Variants in MRTFA observed in about 807,000 individuals in gnomAD.
MRTFA encodes the protein myocardin-related transcription factor A.
A neutral mutation model predicts 83.5 loss-of-function variants in MRTFA; 20 were observed. That is an observed-to-expected ratio of 0.24 (90% CI 0.17 to 0.35). The LOEUF is 0.35. MRTFA is among the 10% of genes least tolerant of loss of function. The pLI, the probability that MRTFA is intolerant of heterozygous loss-of-function variation, is 1.00. For missense variants in MRTFA, 1,200 were observed against 1,224.7 expected, an observed-to-expected ratio of 0.98 and a Z score of 0.30; for synonymous variants, 659 against 541.2, an observed-to-expected ratio of 1.22 and a Z score of -3.02.
chr22:40,555,935 A>G (rs1158124563), intron 2 of MRTFA, among the ~76,000 whole-genome samples: 1 of 152,114 alleles, frequency 6.6e-6, no homozygotes, highest in Non-Finnish European at 1.5e-5. Context: ...CACCATGCCC[A>G]GCCCTAAGAA....
chr22:40,546,927 G>T (rs972788048), intron 3 of MRTFA, among the ~76,000 whole-genome samples: 1 of 152,090 alleles, frequency 6.6e-6, no homozygotes, highest in Admixed American at 6.5e-5. Context: ...AGGCCGAGGC[G>T]GGAGGATCAC....
rs2053030145 is a variant in MRTFA, at chr22:40,429,772, C to A, written c.440-5G>T. On this transcript the variant is annotated splice_polypyrimidine_tract_variant and splice_region_variant and intron_variant, in intron 6 of 14. Coordinates refer to ENST00000355630, the MANE Select transcript of MRTFA (RefSeq NM_020831.6). ...GGGATGGCTCAGCCGAGGTCTCTGC[C>A]CATGGGAGAGAAAGGGGTGCAGGAA... is the stretch of plus-strand genomic sequence containing the variant. The A allele has an allele frequency of 2.5e-6, 4 of 1,606,024 alleles. No individual in the cohort carries two copies. The highest frequency in any genetic ancestry group is 3.4e-6 in the Non-Finnish European group (4 of 1,176,028).
chr22:40,417,117 G>A (rs2052698462), intron 13 of MRTFA, 71 bp from the exon 14 acceptor site: 1 of 1,497,300 alleles, frequency 6.7e-7, no homozygotes, highest in African/African-American at 1.4e-5. Flanking sequence ...AACTACGAAT[G>A]AGGCCCCTCC....
intron 2 of MRTFA, among the ~76,000 whole-genome samples, chr22:40,585,933 A>AAATAAAATGG (rs2056021078): frequency 1.3e-5 from 2 of 152,240 alleles, no homozygotes; most frequent in African/African-American, 4.8e-5. Flanking sequence ...TCTTGCAATT[A>AAATAAAATGG]AATAAAATGG....
At chr22:40,481,415 A>G (rs2054087820) in intron 3 of MRTFA, among the ~76,000 whole-genome samples, 1 of 152,202 alleles carries the variant, frequency 6.6e-6, no homozygotes. Context: ...TAAGGTCAAT[A>G]TTTATAGGCA....
rs377559201 is a variant in MRTFA at position 40,580,126 on chromosome 22, C to G, written c.-22+14548G>C. Among the ~76,000 whole-genome samples the G allele has an allele frequency of 1.1e-3, 166 of 152,178 alleles. 1 individual carries two copies. Among genetic ancestry groups the G allele is most frequent in the South Asian group, 2.9e-3 (14 of 4,824 alleles). ...CTATTAGGATGAATCATTTTTAGGA[C>G]AGCAAATATAGAAACATGTAAAAAA... is the stretch of plus-strand genomic sequence containing the variant. On this transcript the variant is annotated intron_variant, in intron 2 of 14. Transcript: ENST00000355630.
At chr22:40,504,445 G>C (rs964091067) in intron 3 of MRTFA, among the ~76,000 whole-genome samples, 2 of 152,176 alleles carry the variant, frequency 1.3e-5, no homozygotes, top group Admixed American at 1.3e-4. Context: ...TTAGGCCATG[G>C]CTGGTTCCAA....
chr22:40,422,034 G>C (rs1408552085), intron 9 of MRTFA, among the ~76,000 whole-genome samples: 1 of 152,212 alleles, frequency 6.6e-6, no homozygotes, highest in Non-Finnish European at 1.5e-5. Flanking sequence ...AGAAAGGGCA[G>C]GGCTGCCGGG....
In MRTFA at chr22:40,424,377, G is replaced by GC; in HGVS notation, c.605dup (p.Gln203ProfsTer15). 6.2e-7 allele frequency: 1 copy of GC among 1,612,926 alleles called. No homozygotes were observed. The highest frequency in any genetic ancestry group is 8.5e-7 in the Non-Finnish European group (1 of 1,179,470). On this transcript the variant is annotated frameshift_variant, in exon 8 of 15. Coordinates refer to ENST00000355630, the MANE Select transcript of MRTFA (RefSeq NM_020831.6). LOFTEE classifies it high-confidence loss of function. ...CTGCTACTTTGGGATAGTTCACCTGGCCCACTGAAACCCAAAGCTGGTGTG... is the reference window on the plus strand; with the variant it reads ...CTGCTACTTTGGGATAGTTCACCTGGCCCCACTGAAACCCAAAGCTGGTGTG...
chr22:40,543,250 T>G (rs2055317207), intron 3 of MRTFA, among the ~76,000 whole-genome samples: 1 of 152,204 alleles, frequency 6.6e-6, no homozygotes, highest in African/African-American at 2.4e-5. Flanking sequence ...GATCAGAAAC[T>G]GCCCACTCAA....
Position 40,537,111 on chromosome 22 carries a change from T to TG in MRTFA, c.241+14994dup, listed in dbSNP as rs1380467614. On this transcript the variant is annotated intron_variant, in intron 3 of 14. Coordinates refer to ENST00000355630, the MANE Select transcript of MRTFA (RefSeq NM_020831.6). ...CCAGCCGTGCCGTCCGGGAGGGAGG[T>TG]GGGGGGGTCAGCCCCCCGCCCGGCC... Among the ~76,000 whole-genome samples the TG allele has an allele frequency of 2.2e-3, 94 of 43,518 alleles. 2 individuals carry two copies. Among genetic ancestry groups the TG allele is most frequent in the Non-Finnish European group, 3.7e-3 (84 of 22,520 alleles). The allele number at this position is 43,518 out of a possible 152,430, so 28.5% of individuals were successfully genotyped here. A position where few individuals can be genotyped will look rare whatever the true frequency, so the allele number is the denominator to read the frequency against.
chr22:40,432,885 G>A (rs552867824), intron 5 of MRTFA, among the ~76,000 whole-genome samples: 4 of 152,154 alleles, frequency 2.6e-5, no homozygotes, highest in Non-Finnish European at 4.4e-5. Context: ...AGCAGGTGCC[G>A]CAAGTCTTCA....
chr22:40,520,396 T>A (rs1014736124), intron 3 of MRTFA, among the ~76,000 whole-genome samples: 3 of 151,958 alleles, frequency 2.0e-5, no homozygotes, highest in Admixed American at 6.6e-5. Context: ...ATTTGGAAAA[T>A]GTTTTTAAGG....
intron 3 of MRTFA, among the ~76,000 whole-genome samples, chr22:40,481,975 G>A (rs368396715): frequency 5.9e-5 from 9 of 151,512 alleles, no homozygotes; most frequent in African/African-American, 2.2e-4. Context: ...CAGGAGAGTC[G>A]CTGGAACCCG....
At chr22:40,422,397 G>T (rs1358331195) in intron 9 of MRTFA, among the ~76,000 whole-genome samples, 5 of 152,178 alleles carry the variant, frequency 3.3e-5, no homozygotes, top group Non-Finnish European at 7.4e-5. Flanking sequence ...GCAAAGGAAG[G>T]CAACAGGAGT....
chr22:40,589,625 A>G (rs1453143879), intron 2 of MRTFA, among the ~76,000 whole-genome samples: 1 of 152,246 alleles, frequency 6.6e-6, no homozygotes, highest in Non-Finnish European at 1.5e-5. Context: ...AATGTCTACT[A>G]AAGTACAACT....
chr22:40,416,591 A>G lies in MRTFA; in HGVS notation c.2578+395T>C, dbSNP rs1260319118. ...ACAGCTGCCCCTGCTCACAGGAGAC[A>G]TCCTGGACCTTCCCCACCAGGCTCC... is the stretch of plus-strand genomic sequence containing the variant. On this transcript the variant is annotated intron_variant, in intron 14 of 14. Coordinates refer to ENST00000355630, the MANE Select transcript of MRTFA (RefSeq NM_020831.6). The surrounding 1 kb of genome is among the most constrained non-coding windows in gnomAD (Gnocchi z 4.2). Among the ~76,000 whole-genome samples, 1 of 152,156 alleles carries G rather than the reference A, an allele frequency of 6.6e-6. No individual in the cohort carries two copies. Among genetic ancestry groups the G allele is most frequent in the East Asian group, 1.9e-4 (1 of 5,200 alleles).
At chr22:40,441,863 C>T (rs1449742877) in intron 4 of MRTFA, among the ~76,000 whole-genome samples, 1 of 151,948 alleles carries the variant, frequency 6.6e-6, no homozygotes, top group African/African-American at 2.4e-5. Flanking sequence ...CACTTTCACA[C>T]AGGCATCCAA....
intron 2 of MRTFA, among the ~76,000 whole-genome samples, chr22:40,577,174 G>A (rs1400139712): frequency 2.8e-5 from 4 of 144,198 alleles, no homozygotes; most frequent in African/African-American, 5.1e-5. Context: ...AGTGAGCCAT[G>A]ATAGTGACAC....
Sources: allele counts gnomAD v4.1 joint callset (sites outside exome capture counted in the v4.1 genomes callset), GRCh38; gene constraint gnomAD v4.1.1; non-coding constraint Gnocchi (gnomAD v3.1); transcripts MANE v1.5; gene names NCBI Gene and HGNC (gene_info 2026-07-23, HGNC 2026-07-21).